Variants in CMSS1 observed in about 807,000 individuals in gnomAD.
The protein encoded by CMSS1 is protein CMSS1.
A neutral mutation model predicts 43.5 loss-of-function variants in CMSS1; 33 were observed. The ratio of observed to expected loss-of-function variants is 0.76; its 90% confidence interval spans 0.57 to 1.01. The LOEUF (loss-of-function observed/expected upper bound fraction) is 1.01, where lower values mean the gene tolerates loss of function less well. Ranked by LOEUF, CMSS1 falls within the 50% of genes least tolerant of loss-of-function variation. The pLI, the probability that CMSS1 is intolerant of heterozygous loss-of-function variation, is 0.00. For missense variants in CMSS1, 313 were observed against 326.4 expected, an observed-to-expected ratio of 0.96 and a Z score of 0.32; for synonymous variants, 115 against 117.2, an observed-to-expected ratio of 0.98 and a Z score of 0.12.
rs1466464118 is a variant in CMSS1, at chr3:100,066,538, T to C, written c.65-80435T>C. ...GCTTCTTTTTTTTTTTTTTTTTTTT[T>C]TTTTTTTTTTTGAGACGGAGTCTCG... On this transcript the variant is annotated intron_variant, in intron 1 of 9. Coordinates refer to ENST00000421999, the MANE Select transcript of CMSS1 (RefSeq NM_032359.4). 3.6e-5 allele frequency among the ~76,000 whole-genome samples: 3 copies of C among 84,422 alleles called. No individual in the cohort carries two copies. In the Admixed American group the frequency reaches 3.8e-4, roughly 11 times the overall value. The allele number at this position is 84,422 out of a possible 152,430, so 55.4% of individuals were successfully genotyped here. A position where few individuals can be genotyped will look rare whatever the true frequency, so the allele number is the denominator to read the frequency against.
intron 1 of CMSS1, among the ~76,000 whole-genome samples, chr3:100,144,025 G>A (rs192906147): frequency 2.0e-5 from 3 of 152,116 alleles, no homozygotes; most frequent in Admixed American, 1.3e-4. Flanking sequence ...GTCAATCTCT[G>A]TCTTTAAATT....
intron 1 of CMSS1, among the ~76,000 whole-genome samples, chr3:99,941,412 C>T (rs1025640502): frequency 1.3e-5 from 2 of 152,156 alleles, no homozygotes; most frequent in Admixed American, 1.3e-4. Flanking sequence ...CTTAGTAAAG[C>T]CATCTCAGAG....
chr3:100,055,017 C>T (rs952942243), intron 1 of CMSS1, among the ~76,000 whole-genome samples: 4 of 152,048 alleles, frequency 2.6e-5, no homozygotes, highest in African/African-American at 4.8e-5. Flanking sequence ...TCTCTGCTTC[C>T]GTGCTTTACC....
At chr3:99,939,444 C>T (rs949337591) in intron 1 of CMSS1, among the ~76,000 whole-genome samples, 2 of 152,196 alleles carry the variant, frequency 1.3e-5, no homozygotes, top group Admixed American at 6.5e-5. Flanking sequence ...TTATTCATTT[C>T]TTACACCACC....
intron 1 of CMSS1, among the ~76,000 whole-genome samples, chr3:99,985,748 C>T (rs1337577837): frequency 6.6e-6 from 1 of 152,010 alleles, no homozygotes; most frequent in Non-Finnish European, 1.5e-5. Flanking sequence ...GCTACCATGC[C>T]CAGCTGGTTT....
chr3:99,863,685 C>T (rs1451868501), intron 1 of CMSS1, among the ~76,000 whole-genome samples: 2 of 151,980 alleles, frequency 1.3e-5, no homozygotes, highest in Admixed American at 6.6e-5. Context: ...AATTAGTATT[C>T]CTAAATATTT....
chr3:100,040,678 A>C (rs1432210995), intron 1 of CMSS1: 4 of 152,222 alleles, frequency 2.6e-5, no homozygotes, highest in Admixed American at 6.5e-5. Context: ...ATCATGAAAC[A>C]CTTCATTTGA....
chr3:100,041,225 A>G (rs976776625), intron 1 of CMSS1: 1 of 152,154 alleles, frequency 6.6e-6, no homozygotes, highest in East Asian at 1.9e-4. Context: ...GAATCTACAA[A>G]ATGGCCTACC....
At chr3:100,069,289 T>C (rs1214128634) in intron 1 of CMSS1, among the ~76,000 whole-genome samples, 1 of 151,768 alleles carries the variant, frequency 6.6e-6, no homozygotes, top group African/African-American at 2.4e-5. Context: ...CTCTTCATCC[T>C]GTTGTAGGCA....
chr3:100,146,108 A>C (rs1289155971), intron 1 of CMSS1, among the ~76,000 whole-genome samples: 1 of 152,280 alleles, frequency 6.6e-6, no homozygotes, highest in East Asian at 1.9e-4. Flanking sequence ...AGTCTTTCAT[A>C]GATCAAAAAT....
At chr3:99,961,564 A>T (rs1171755095) in intron 1 of CMSS1, among the ~76,000 whole-genome samples, 2 of 152,154 alleles carry the variant, frequency 1.3e-5, no homozygotes, top group African/African-American at 4.8e-5. Flanking sequence ...TGGTCAAAGT[A>T]TCCCATGTTT....
chr3:99,920,987 A>G (rs1707106921), intron 1 of CMSS1, among the ~76,000 whole-genome samples: 2 of 152,078 alleles, frequency 1.3e-5, no homozygotes, highest in African/African-American at 2.4e-5. Context: ...CTTTGTATCT[A>G]TTTTCAACCA....
intron 1 of CMSS1, among the ~76,000 whole-genome samples, chr3:99,896,901 C>A (rs1267456640): frequency 6.6e-6 from 1 of 152,142 alleles, no homozygotes; most frequent in Non-Finnish European, 1.5e-5. Context: ...GTGCTGAAGT[C>A]CATTTCCACT....
At chr3:99,983,716 A>G (rs2107738037) in intron 1 of CMSS1, among the ~76,000 whole-genome samples, 1 of 150,298 alleles carries the variant, frequency 6.7e-6, no homozygotes. Flanking sequence ...AATGAGAAGT[A>G]CCACATTATT....
intron 1 of CMSS1, among the ~76,000 whole-genome samples, chr3:100,088,603 C>T (rs2066052251): frequency 1.3e-5 from 2 of 152,166 alleles, no homozygotes; most frequent in Admixed American, 1.3e-4. Context: ...CCAGTTTCCT[C>T]AGTCTTACAG....
intron 1 of CMSS1, among the ~76,000 whole-genome samples, chr3:100,121,105 T>C (rs977138426): frequency 6.6e-6 from 1 of 152,290 alleles, no homozygotes; most frequent in East Asian, 1.9e-4. Flanking sequence ...AACTCTTTTT[T>C]TTAATTCTTT....
rs2107537630 is a variant in CMSS1, at chr3:100,181,409, T to C, written c.*3021T>C. The C allele has an allele frequency of 6.6e-6, 1 of 152,346 alleles. No individual in the cohort carries two copies. 9.4% of individuals were successfully genotyped at this position (152,346 alleles called of 1,614,324 possible). On this transcript the variant is annotated 3_prime_UTR_variant, in exon 10 of 10. Coordinates refer to ENST00000421999, the MANE Select transcript of CMSS1 (RefSeq NM_032359.4). ...CCTGTGTTAAATTCTTGTATAACCA[T>C]AATAGAGTTATCAAAACTAAGAAGT...
intron 1 of CMSS1, among the ~76,000 whole-genome samples, chr3:100,144,317 A>G (rs1413283841): frequency 6.6e-6 from 1 of 152,158 alleles, no homozygotes; most frequent in Non-Finnish European, 1.5e-5. Context: ...GTGATATAGA[A>G]AGTCATAACT....
chr3:99,969,715 C>T (rs953412958), intron 1 of CMSS1, among the ~76,000 whole-genome samples: 1 of 151,962 alleles, frequency 6.6e-6, no homozygotes, highest in African/African-American at 2.4e-5. Flanking sequence ...GGAAGCAGCC[C>T]CACTAGATAA....
Sources: gnomAD v4.1 joint callset for allele counts (sites outside exome capture counted in the v4.1 genomes callset) on GRCh38, gnomAD v4.1.1 for gene constraint, MANE v1.5 for transcripts, NCBI Gene and HGNC (gene_info 2026-07-23, HGNC 2026-07-21) for gene names.